The following ANKRD17 variants were observed in gnomAD, a reference collection of about 807,000 sequenced individuals.
ANKRD17 encodes the protein ankyrin repeat domain-containing protein 17.
Under a neutral mutation model 229.7 loss-of-function variants are expected in ANKRD17, and 19 were observed. The ratio of observed to expected loss-of-function variants is 0.08; its 90% CI spans 0.06 to 0.12. The LOEUF (loss-of-function observed/expected upper bound fraction) is 0.12. Among genes scored for constraint, ANKRD17 ranks in the 10% least tolerant of loss-of-function variants. The probability of loss-of-function intolerance (pLI) is 1.00; values close to 1 mark genes in which losing one functional copy is unlikely to be tolerated. For synonymous variants in ANKRD17, 1,112 were observed against 1,146.1 expected (o/e 0.97, Z 0.60); for missense variants, 2,176 against 3,176.8 (o/e 0.68, Z 7.57).
chr4:73,194,879 A>C (rs1737630172), intron 1 of ANKRD17, among the ~76,000 whole-genome samples: 1 of 152,108 alleles, frequency 6.6e-6, no homozygotes, highest in Non-Finnish European at 1.5e-5. Flanking sequence ...TTTCAGCACA[A>C]AAACTACATA....
intron 1 of ANKRD17, among the ~76,000 whole-genome samples, chr4:73,249,560 T>C (rs1744798789): frequency 6.6e-6 from 1 of 152,236 alleles, no homozygotes. Flanking sequence ...AATAAGAATA[T>C]ACTTAAGTAA....
At chr4:73,158,188 G>GAAAGAAAGAAAGAAAGAAAGAA (rs779505092) in intron 3 of ANKRD17, among the ~76,000 whole-genome samples, 52 of 43,476 alleles carry the variant, frequency 1.2e-3, no homozygotes, top group African/African-American at 3.3e-3. Flanking sequence ...AAGAAAGAAA[G>GAAAGAAAGAAAGAAAGAAAGAA]AGAGAGAAAG....
At chr4:73,197,296 C>T (rs1334863096) in intron 1 of ANKRD17, among the ~76,000 whole-genome samples, 2 of 152,158 alleles carry the variant, frequency 1.3e-5, no homozygotes, top group Non-Finnish European at 2.9e-5. Flanking sequence ...TACAGCAATA[C>T]AGATAACTGT....
intron 15 of ANKRD17, among the ~76,000 whole-genome samples, chr4:73,137,982 AT>A (rs1560577165): frequency 6.6e-6 from 1 of 152,106 alleles, no homozygotes; most frequent in Non-Finnish European, 1.5e-5. Context: ...TATAAAAAAA[AT>A]TTTTTTAAAC....
chr4:73,258,389 T>C lies in ANKRD17; in HGVS notation c.280A>G (p.Asn94Asp). 1 of 1,607,344 alleles carries C rather than the reference T, an allele frequency of 6.2e-7. No individual in the cohort carries two copies. The highest frequency in any genetic ancestry group is 8.5e-7 in the Non-Finnish European group (1 of 1,178,278). The change falls in exon 1 of 34, where the codon AAC becomes GAC. Residue 94 changes from asparagine (N) to aspartate (D), a missense_variant. By Grantham distance (23) the Asn-to-Asp change is conservative (BLOSUM62 1). This residue lies in a region of ANKRD17 where 196 missense variants were observed against 190.0 expected (regional missense o/e 1.03). Coordinates refer to ENST00000358602, the MANE Select transcript of ANKRD17 (RefSeq NM_032217.5). ...CCGCCGCCTCCACCGCCGCCGCTGT[T>C]GTCGCTGTCGCTGCTGCTTTCGCTG... Reference protein sequence around the residue: ...SSSESSSDSDNSGGGGGGGGG... With the variant: ...SSSESSSDSDDSGGGGGGGGG...
At chr4:73,228,834 G>A (rs566111415) in intron 1 of ANKRD17, among the ~76,000 whole-genome samples, 152 of 152,200 alleles carry the variant, frequency 1.0e-3, no homozygotes, top group African/African-American at 3.3e-3. Context: ...ACATGCACAC[G>A]TATGTTTACT....
chr4:73,204,572 A>C (rs902251852), intron 1 of ANKRD17, among the ~76,000 whole-genome samples: 4 of 152,036 alleles, frequency 2.6e-5, no homozygotes, highest in Admixed American at 1.3e-4. Flanking sequence ...TACCTAATAA[A>C]ACTGGATCCA....
rs984541002 is a variant in ANKRD17, at chr4:73,202,319, A to T, written c.394-24786T>A. ...CCAAACCCAAGGCAGGAACAGGATT[A>T]AAAAAAAAAAAAAAAAAAAAAAAAA... On this transcript the variant is annotated intron_variant, in intron 1 of 33. Coordinates refer to ENST00000358602, the MANE Select transcript of ANKRD17 (RefSeq NM_032217.5). Among the ~76,000 whole-genome samples the T allele has an allele frequency of 2.1e-3, 7 of 3,382 alleles. No homozygotes were observed. In the East Asian group the frequency reaches 0.095, roughly 46 times the overall value. The allele number at this position is 3,382 out of a possible 152,430, so 2.2% of individuals were successfully genotyped here.
chr4:73,090,712 G>A lies in ANKRD17; in HGVS notation c.6916C>T (p.Pro2306Ser). Residue 2306 changes from proline (P) to serine (S), a missense_variant, in exon 29 of 34, where the codon CCA (proline) becomes TCA (serine). Physicochemically the swap from Pro to Ser is moderately conservative, Grantham distance 74. This residue lies in a region of ANKRD17 where 424 missense variants were observed against 454.0 expected (regional missense o/e 0.93). Transcript: ENST00000358602. ...CTCTGTAATGGTGGTCTAAAACCTG[G>A]AGCTTTGGAAGTATCAGACTGATGT... is the stretch of plus-strand genomic sequence containing the variant. ...PLHQSDTSKA[P>S]GFRPPLQRPA... The A allele has an allele frequency of 6.2e-7, 1 of 1,614,166 alleles. No individual in the cohort carries two copies. The highest frequency in any genetic ancestry group is 8.5e-7 in the Non-Finnish European group (1 of 1,180,032).
intron 3 of ANKRD17, among the ~76,000 whole-genome samples, chr4:73,157,906 G>A (rs368671516): frequency 2.6e-5 from 4 of 152,068 alleles, no homozygotes; most frequent in South Asian, 2.1e-4. Flanking sequence ...TGGCTAACAC[G>A]GTGAAACCCT....
At chr4:73,193,422 A>G (rs1737400028) in intron 1 of ANKRD17, among the ~76,000 whole-genome samples, 1 of 152,176 alleles carries the variant, frequency 6.6e-6, no homozygotes, top group African/African-American at 2.4e-5. Flanking sequence ...AAATTTATAA[A>G]ATACTGCCAG....
At chr4:73,122,334 T>C (rs183258980) in intron 18 of ANKRD17, among the ~76,000 whole-genome samples, 1 of 152,300 alleles carries the variant, frequency 6.6e-6, no homozygotes, top group Admixed American at 6.5e-5. Context: ...TTGTACTATG[T>C]ACACTCCCTT....
chr4:73,175,156 T>A (rs975722035), intron 2 of ANKRD17, among the ~76,000 whole-genome samples: 5 of 152,120 alleles, frequency 3.3e-5, no homozygotes, highest in Admixed American at 1.3e-4. Context: ...GACCTACAGT[T>A]CCACATGGCT....
chr4:73,160,367 C>T (rs755537062), intron 3 of ANKRD17, among the ~76,000 whole-genome samples: 11 of 152,016 alleles, frequency 7.2e-5, no homozygotes, highest in South Asian at 2.1e-4. Flanking sequence ...TGCAGGCGTG[C>T]GCCACCACAC....
rs1247897186 is a variant in ANKRD17 at position 73,177,531 on chromosome 4, C to T, written c.396G>A (p.Val132=). ...DDDEEEEVSE[V]ESFILDQDDL... ...CATCCTGATCCAAAATGAAAGACTC[C>T]ACCTATAAAACAAATGCAAAAAGAG... is the stretch of plus-strand genomic sequence containing the variant. The change falls in exon 2 of 34, where the codon GTG becomes GTA. Residue 132 remains valine (V), a splice_region_variant and synonymous_variant. Transcript: ENST00000358602. 6.2e-7 allele frequency: 1 copy of T among 1,608,240 alleles called. No individual in the cohort carries two copies. Among genetic ancestry groups the T allele is most frequent in the Admixed American group, 1.7e-5 (1 of 59,828 alleles).
rs1285016956 is a variant in ANKRD17 at position 73,091,052 on chromosome 4, T to C, written c.6576A>G (p.Ser2192=). ...PHGTTAPHKN[S]ASVQNSSVAV... is the part of the protein sequence containing the mutation. ...CAACAGATGAATTTTGCACTGAAGC[T>C]GAATTCTTGTGAGGGGCAGTTGTGC... Residue 2192 remains serine, a synonymous_variant, in exon 29 of 34, where the codon TCA becomes TCG. Transcript: ENST00000358602. 1 of 1,614,202 alleles carries C rather than the reference T, an allele frequency of 6.2e-7. No individual in the cohort carries two copies. The highest frequency in any genetic ancestry group is 8.5e-7 in the Non-Finnish European group (1 of 1,180,042).
intron 22 of ANKRD17, 47 bp downstream of exon 22, chr4:73,118,641 G>A (rs760883683): frequency 6.2e-7 from 1 of 1,600,304 alleles, no homozygotes; most frequent in African/African-American, 1.3e-5. Context: ...GTACTTCCTA[G>A]TGTAAGTAAA....
Position 73,148,925 on chromosome 4 carries a change from T to C in ANKRD17, c.1455A>G (p.Leu485=). The change falls in exon 8 of 34, where the codon TTA becomes TTG. Residue 485 remains leucine (L), a synonymous_variant. Transcript: ENST00000358602. ...ACGGHVELAA[L]LIERGASLEE... ...CCAGGCTAGCTCCTCTTTCAATAAG[T>C]AAAGCCGCAAGTTCCACATGCCCAC... 6.2e-7 allele frequency: 1 copy of C among 1,613,818 alleles called. No individual in the cohort carries two copies. Among genetic ancestry groups the C allele is most frequent in the Non-Finnish European group, 8.5e-7 (1 of 1,179,894 alleles).
chr4:73,078,433 G>A (rs1721224891), intron 31 of ANKRD17, among the ~76,000 whole-genome samples: 1 of 152,236 alleles, frequency 6.6e-6, no homozygotes, highest in Admixed American at 6.5e-5. Context: ...AGCTACTTGG[G>A]AGGCTGTGGC....
Sources: allele counts gnomAD v4.1 joint callset (sites outside exome capture counted in the v4.1 genomes callset), GRCh38; gene constraint gnomAD v4.1.1; regional missense constraint gnomAD v4.1.1; transcripts MANE v1.5; gene names NCBI Gene and HGNC (gene_info 2026-07-23, HGNC 2026-07-21).